PKM: variants seen among roughly 807,000 people sequenced by gnomAD.
The protein encoded by PKM is pyruvate kinase M1/2.
A neutral mutation model predicts 49.8 loss-of-function variants in PKM; 18 were observed. The observed-to-expected ratio is 0.36, with a 90% CI of 0.25 to 0.54. The LOEUF is 0.54. Ranked by LOEUF, PKM falls within the 20% of genes least tolerant of loss-of-function variation. The pLI is 0.89. For synonymous variants in PKM, 239 were observed against 261.8 expected, an observed-to-expected ratio of 0.91 and a Z score of 0.84; for missense variants, 508 against 713.8, an observed-to-expected ratio of 0.71 and a Z score of 3.28.
At chr15:72,203,241 A>T in intron 8 of PKM, 1 of 1,442,812 alleles carries the variant, frequency 6.9e-7, no homozygotes, top group Non-Finnish European at 9.7e-7. Context: ...GGAGGAAAAA[A>T]ACGAGACACA....
chr15:72,215,834 GCTCT>G (rs1265160003), intron 3 of PKM, among the ~76,000 whole-genome samples: 2 of 152,068 alleles, frequency 1.3e-5, no homozygotes, highest in Admixed American at 6.6e-5. Flanking sequence ...ATTGTCTTCA[GCTCT>G]CTCTAAGCTA....
chr15:72,228,478 T>G, intron 1 of PKM: 1 of 413,242 alleles, frequency 2.4e-6, no homozygotes, highest in Non-Finnish European at 4.7e-6. Flanking sequence ...TTGAGGCATT[T>G]TTAATTAGGG....
In PKM at chr15:72,228,731, G is replaced by A. The variant is rs887352596; in HGVS notation, c.-14+2385C>T. The A allele has an allele frequency of 1.0e-5, 7 of 702,394 alleles. No homozygotes were observed. In the African/African-American group the frequency reaches 1.3e-4, roughly 13 times the overall value. The allele number at this position is 702,394 out of a possible 1,614,324, so 43.5% of individuals were successfully genotyped here. ...CCCCACAGCACCTCAGGCCACCAAAGGGCAAATTATTTGCTAACAACGCTG... is the reference window on the plus strand; with the variant it reads ...CCCCACAGCACCTCAGGCCACCAAAAGGCAAATTATTTGCTAACAACGCTG... On this transcript the variant is annotated intron_variant, in intron 1 of 10. Transcript: ENST00000335181.
At chr15:72,207,398 A>G in intron 6 of PKM, 121 bp from the exon 7 acceptor site, 1 of 889,012 alleles carries the variant, frequency 1.1e-6, no homozygotes, top group Non-Finnish European at 1.9e-6. Context: ...ACAGACATCC[A>G]TGATATCATC....
In PKM at chr15:72,227,767, A is replaced by C. The variant is rs1192048602; in HGVS notation, c.-14+3349T>G. Among the ~76,000 whole-genome samples the C allele has an allele frequency of 1.8e-4, 23 of 128,856 alleles. 1 individual carries two copies. The highest frequency in any genetic ancestry group is 3.1e-4 in the Admixed American group (4 of 12,786). The allele number at this position is 128,856 out of a possible 152,430, so 84.5% of individuals were successfully genotyped here. On this transcript the variant is annotated intron_variant, in intron 1 of 10. Coordinates refer to ENST00000335181, the MANE Select transcript of PKM (RefSeq NM_002654.6). ...CTCAAAAAAAAAAAAAAAAAAAAAA[A>C]AAAAAAACAAAAAACTGAAGCAAAA...
At position 72,200,143 on chromosome 15, in the gene PKM, C is replaced by A. The variant is rs1157520912; in HGVS notation, c.1489+331G>T. 9.9e-5 allele frequency among the ~76,000 whole-genome samples: 15 copies of A among 151,102 alleles called. No individual in the cohort carries two copies. The highest frequency in any genetic ancestry group is 3.2e-4 in the African/African-American group (13 of 41,022). On this transcript the variant is annotated intron_variant, in intron 10 of 10. Coordinates refer to ENST00000335181, the MANE Select transcript of PKM (RefSeq NM_002654.6). This position sits in a 1 kb window ranked among gnomAD's most constrained non-coding sequence, Gnocchi z 4.6. ...TGGCCAATTTTATTTAAAAAAAAAA[C>A]AAAAAACAAAAAAAACTCTCAGTAA...
rs2081869977 is a variant in PKM, at chr15:72,199,311, T to C, written c.*339A>G. On this transcript the variant is annotated 3_prime_UTR_variant, in exon 11 of 11. Coordinates refer to ENST00000335181, the MANE Select transcript of PKM (RefSeq NM_002654.6). ...CCCCAAGCCAGGGTTGGGAGTCCTC[T>C]GGGCATCCATTTTTTCTAAAGGAAC... The C allele has an allele frequency of 2.2e-6, 1 of 447,322 alleles. No homozygotes were observed. The highest frequency in any genetic ancestry group is 1.9e-5 in the South Asian group (1 of 52,928). The allele number at this position is 447,322 out of a possible 1,614,324, so 27.7% of individuals were successfully genotyped here.
intron 1 of PKM, among the ~76,000 whole-genome samples, chr15:72,220,182 G>A (rs2082486271): frequency 6.6e-6 from 1 of 152,202 alleles, no homozygotes; most frequent in African/African-American, 2.4e-5. Context: ...CGTCTCATCA[G>A]AAAGCTGTTT....
intron 1 of PKM, among the ~76,000 whole-genome samples, chr15:72,223,353 T>C (rs750281441): frequency 4.6e-5 from 7 of 152,162 alleles, no homozygotes; most frequent in Non-Finnish European, 1.0e-4. Flanking sequence ...TATGCTCCGA[T>C]ACCAACCTCA....
chr15:72,229,523 T>G (rs1182492449), intron 1 of PKM: 1 of 1,277,852 alleles, frequency 7.8e-7, no homozygotes, highest in Non-Finnish European at 1.0e-6. Flanking sequence ...GTACGTAGAT[T>G]AAGAAGCCAA....
chr15:72,209,962 G>A (rs1338108045), intron 4 of PKM, 103 bp from the exon 5 acceptor site: 44 of 953,154 alleles, frequency 4.6e-5, no homozygotes, highest in South Asian at 1.3e-4. Context: ...CAATGCTCAA[G>A]TCACTGCTAA....
rs2082219112 is a variant in PKM at position 72,210,366 on chromosome 15, C to T, written c.359G>A (p.Arg120Gln). 3.1e-6 allele frequency: 5 copies of T among 1,614,006 alleles called. No individual in the cohort carries two copies. The highest frequency in any genetic ancestry group is 4.2e-6 in the Non-Finnish European group (5 of 1,180,020). The change falls in exon 4 of 11, where the codon CGA becomes CAA. Residue 120 changes from arginine (R) to glutamine (Q), a missense_variant. Coordinates refer to ENST00000335181, the MANE Select transcript of PKM (RefSeq NM_002654.6). ...VALDTKGPEI[R>Q]TGLIKGSGTA... ...ACTCACGCCCTTGATGAGCCCAGTT[C>T]GGATCTCAGGTCCTTTAGTGTCTAG... is the stretch of plus-strand genomic sequence containing the variant.
chr15:72,231,197 C>A, upstream of PKM: 2 of 254,254 alleles, frequency 7.9e-6, no homozygotes, highest in Non-Finnish European at 8.4e-6. Context: ...GTGCAAGGAG[C>A]CACTGCCTCA....
chr15:72,210,417 A>C lies in PKM; in HGVS notation c.308T>G (p.Ile103Ser), dbSNP rs770540965. The C allele has an allele frequency of 6.2e-7, 1 of 1,614,154 alleles. No homozygotes were observed. Among genetic ancestry groups the C allele is most frequent in the Non-Finnish European group, 8.5e-7 (1 of 1,179,996 alleles). Reference protein sequence around the residue: ...TATESFASDPILYRPVAVALD... With the variant: ...TATESFASDPSLYRPVAVALD... ...AGCCACAGCAACGGGCCGGTAGAGG[A>C]TGGGGTCAGAAGCAAAGCTTTCCGT... Residue 103 changes from isoleucine to serine, a missense_variant, in exon 4 of 11, where the codon ATC becomes AGC. By Grantham distance (142) the Ile-to-Ser change is moderately radical. Transcript: ENST00000335181.
At chr15:72,220,281 T>C (rs2082488798) in intron 1 of PKM, among the ~76,000 whole-genome samples, 1 of 152,202 alleles carries the variant, frequency 6.6e-6, no homozygotes, top group South Asian at 2.1e-4. Flanking sequence ...AAGCTCCTCT[T>C]TAGCCCTTCC....
intron 1 of PKM, among the ~76,000 whole-genome samples, chr15:72,219,872 G>T (rs746097757): frequency 2.0e-5 from 3 of 152,156 alleles, no homozygotes; most frequent in Non-Finnish European, 4.4e-5. Context: ...AATGATTTTT[G>T]ATACACATCC....
chr15:72,207,012 T>C, intron 7 of PKM, 115 bp downstream of exon 7: 2 of 1,481,682 alleles, frequency 1.3e-6, no homozygotes, highest in Non-Finnish European at 1.9e-6. Flanking sequence ...GGGAAGGGGA[T>C]TATCTGTGTG....
At position 72,202,726 on chromosome 15, in the gene PKM, G is replaced by T; in HGVS notation, c.1141-106C>A. The T allele has an allele frequency of 9.8e-7, 1 of 1,017,648 alleles. No individual in the cohort carries two copies. Among genetic ancestry groups the T allele is most frequent in the Non-Finnish European group, 1.5e-6 (1 of 671,340 alleles). The allele number at this position is 1,017,648 out of a possible 1,614,324, so 63.0% of individuals were successfully genotyped here. On this transcript the variant is annotated intron_variant, in intron 8 of 10. Coordinates refer to ENST00000335181, the MANE Select transcript of PKM (RefSeq NM_002654.6). The surrounding 1 kb of genome is among the most constrained non-coding windows in gnomAD (Gnocchi z 4.5). The stretch of plus-strand genomic sequence containing the variant: ...GAAGAGTCACCGGACAGCTGGTGAG[G>T]AACATGTTCCTGGGAACAAAGGCCA...
rs562118122 is a variant in PKM, at chr15:72,210,256, G to A, written c.378+91C>T. ...CCTCTGCAGTCCTTCATAGTACTGG[G>A]AAGAAACATGGCAACCCAGCGCTTT... On this transcript the variant is annotated intron_variant, in intron 4 of 10. Coordinates refer to ENST00000335181, the MANE Select transcript of PKM (RefSeq NM_002654.6). 8 of 1,375,726 alleles carry A rather than the reference G, an allele frequency of 5.8e-6. No homozygotes were observed. In the East Asian group the frequency reaches 1.4e-4, roughly 24 times the overall value. 85.2% of individuals were successfully genotyped at this position (1,375,726 alleles called of 1,614,324 possible).
Sources: allele counts gnomAD v4.1 joint callset (sites outside exome capture counted in the v4.1 genomes callset), GRCh38; gene constraint gnomAD v4.1.1; non-coding constraint Gnocchi (gnomAD v3.1); transcripts MANE v1.5; gene names NCBI Gene and HGNC (gene_info 2026-07-23, HGNC 2026-07-21).